The following HOXC4 variants were observed in gnomAD, a reference collection of about 807,000 sequenced individuals.
HOXC4 encodes the protein homeobox C4, also known as homeobox protein Hox-C4.
In HOXC4, 15 loss-of-function variants were observed where a neutral mutation model predicts 25.5. That is an observed-to-expected ratio of 0.59 (90% CI 0.39 to 0.91). The LOEUF is 0.91. HOXC4 is among the 40% of genes least tolerant of loss of function. The pLI is 0.00. For synonymous variants in HOXC4, 165 were observed against 148.0 expected (o/e 1.11, Z -0.83); for missense variants, 342 against 352.4 (o/e 0.97, Z 0.24).
intron 1 of HOXC4, among the ~76,000 whole-genome samples, chr12:54,023,107 CTG>C (rs1940523763): frequency 6.6e-6 from 1 of 152,186 alleles, no homozygotes; most frequent in Non-Finnish European, 1.5e-5. Context: ...TCACAGAGAG[CTG>C]TGTCCCCAGG....
At chr12:54,051,128 AT>A (rs1289546241), upstream of HOXC4, among the ~76,000 whole-genome samples, 1 of 152,080 alleles carries the variant, frequency 6.6e-6, no homozygotes, top group Non-Finnish European at 1.5e-5. Flanking sequence ...CAGGGCACGG[AT>A]GGTAAAAGGT....
At chr12:54,022,428 A>G (rs1333780233) in intron 1 of HOXC4, 2 of 152,046 alleles carry the variant, frequency 1.3e-5, no homozygotes, top group Non-Finnish European at 2.9e-5. Context: ...TTGGCCTTTA[A>G]TTTTGCTGCT....
chr12:54,045,554 G>A (rs1215142260), intron 1 of HOXC4, among the ~76,000 whole-genome samples: 4 of 152,164 alleles, frequency 2.6e-5, no homozygotes, highest in Non-Finnish European at 4.4e-5. Context: ...TACATATTTA[G>A]AGATCTTTAC....
At chr12:54,018,250 T>A (rs2136413290) in intron 1 of HOXC4, among the ~76,000 whole-genome samples, 1 of 152,278 alleles carries the variant, frequency 6.6e-6, no homozygotes, top group South Asian at 2.1e-4. Flanking sequence ...CCGGCGCCCC[T>A]CACCCCCAGC....
chr12:54,032,992 T>G (rs1941044186), intron 1 of HOXC4: 1 of 705,488 alleles, frequency 1.4e-6, no homozygotes, highest in East Asian at 2.7e-5. Flanking sequence ...GAAGAGCGCA[T>G]AGGATAAAGA....
intron 1 of HOXC4, chr12:54,028,594 G>A: frequency 1.9e-6 from 3 of 1,613,946 alleles, no homozygotes; most frequent in Middle Eastern, 1.6e-4. Context: ...CCCCAACGTC[G>A]CCCTCAATTC....
intron 1 of HOXC4, among the ~76,000 whole-genome samples, chr12:54,023,106 G>A (rs1940523670): frequency 6.6e-6 from 1 of 152,182 alleles, no homozygotes; most frequent in Non-Finnish European, 1.5e-5. Flanking sequence ...ATCACAGAGA[G>A]CTGTGTCCCC....
At position 54,033,497 on chromosome 12, in the gene HOXC4, A is replaced by G. The variant is rs1565745525; in HGVS notation, c.-124+16083A>G. 5 of 1,591,438 alleles carry G rather than the reference A, an allele frequency of 3.1e-6. No homozygotes were observed. In the South Asian group the frequency reaches 4.5e-5, roughly 14 times the overall value. Reference sequence around the variant, plus strand: ...AGATCAAAGAGGAGCAGGCGCAGACAGGGCAGCCCGCCGGACTGAGCCAGC... The same window carrying G: ...AGATCAAAGAGGAGCAGGCGCAGACGGGGCAGCCCGCCGGACTGAGCCAGC... On this transcript the variant is annotated intron_variant, in intron 1 of 3. Transcript: ENST00000303406.
At chr12:54,031,746 G>A (rs534404868) in intron 1 of HOXC4, among the ~76,000 whole-genome samples, 3 of 152,306 alleles carry the variant, frequency 2.0e-5, no homozygotes, top group African/African-American at 7.2e-5. Flanking sequence ...CTGGCGGGGC[G>A]GAGATTTCCT....
intron 1 of HOXC4, among the ~76,000 whole-genome samples, chr12:54,031,862 C>G (rs1213024623): frequency 6.6e-6 from 1 of 152,162 alleles, no homozygotes; most frequent in Non-Finnish European, 1.5e-5. Context: ...CCTGCCCTGC[C>G]CACCCCCCAG....
chr12:54,017,748 T>A (rs556030838), intron 1 of HOXC4, among the ~76,000 whole-genome samples: 1 of 152,218 alleles, frequency 6.6e-6, no homozygotes, highest in African/African-American at 2.4e-5. Flanking sequence ...TTATTATAGA[T>A]CTTCGGTCTC....
At chr12:54,026,124 A>AG (rs955743170) in intron 1 of HOXC4, among the ~76,000 whole-genome samples, 2 of 152,054 alleles carry the variant, frequency 1.3e-5, no homozygotes, top group Admixed American at 6.5e-5. Context: ...CTGAAATTGG[A>AG]GGGGGGGACA....
intron 1 of HOXC4, chr12:54,033,534 C>T (rs1592238197): frequency 1.9e-6 from 3 of 1,598,246 alleles, no homozygotes; most frequent in East Asian, 2.2e-5. Flanking sequence ...ACCGGCCCCG[C>T]CACAGATTTA....
At chr12:54,053,581 C>A (rs1379043560), upstream of HOXC4, among the ~76,000 whole-genome samples, 1 of 152,204 alleles carries the variant, frequency 6.6e-6, no homozygotes, top group African/African-American at 2.4e-5. Context: ...TCCCCCAATG[C>A]CCGGGCTTTG....
intron 1 of HOXC4, among the ~76,000 whole-genome samples, chr12:54,025,536 G>T (rs1401744868): frequency 1.8e-5 from 1 of 55,402 alleles, no homozygotes; most frequent in Non-Finnish European, 6.2e-5. Flanking sequence ...TTGGGGGGGG[G>T]GGAGGTGTTG....
chr12:54,052,576 G>C (rs1055150203), upstream of HOXC4, among the ~76,000 whole-genome samples: 1 of 150,536 alleles, frequency 6.6e-6, no homozygotes, highest in Non-Finnish European at 1.5e-5. Flanking sequence ...AGCTGGGGGG[G>C]GGGGGTGGTG....
chr12:54,031,380 G>A (rs1376516549), intron 1 of HOXC4, among the ~76,000 whole-genome samples: 21 of 152,202 alleles, frequency 1.4e-4, no homozygotes, highest in Admixed American at 1.4e-3. Flanking sequence ...AGCGATTCAA[G>A]GACATCTCGA....
chr12:54,033,672 T>C (rs1272367065), intron 1 of HOXC4: 5 of 1,129,320 alleles, frequency 4.4e-6, no homozygotes, highest in Non-Finnish European at 4.9e-6. Context: ...GCCATAAATT[T>C]TACGATCCAG....
At chr12:54,022,501 T>A (rs1405455337) in intron 1 of HOXC4, 1 of 152,170 alleles carries the variant, frequency 6.6e-6, no homozygotes, top group Non-Finnish European at 1.5e-5. Flanking sequence ...AAATTAATTT[T>A]CCCCTCCCAG....
Sources: gnomAD v4.1 joint callset for allele counts (sites outside exome capture counted in the v4.1 genomes callset) on GRCh38, gnomAD v4.1.1 for gene constraint, MANE v1.5 for transcripts, NCBI Gene and HGNC (gene_info 2026-07-23, HGNC 2026-07-21) for gene names.